FRYL: variants seen among roughly 807,000 people sequenced by gnomAD.
FRYL encodes protein furry homolog-like.
A neutral mutation model predicts 351.2 loss-of-function variants in FRYL; 150 were observed. The observed-to-expected ratio is 0.43, with a 90% CI of 0.37 to 0.49. The LOEUF (loss-of-function observed/expected upper bound fraction) is 0.49. Among genes scored for constraint, FRYL ranks in the 20% least tolerant of loss-of-function variants. The pLI is 0.00. For missense variants in FRYL, 3,036 were observed against 3,619.3 expected (o/e 0.84, Z 4.13); for synonymous variants, 1,153 against 1,257.1 (o/e 0.92, Z 1.75).
intron 24 of FRYL, among the ~76,000 whole-genome samples, 193 bp downstream of exon 24, chr4:48,575,837 T>C (rs756780394): frequency 2.0e-5 from 3 of 152,214 alleles, no homozygotes; most frequent in Non-Finnish European, 4.4e-5. Context: ...TGGAAAACTA[T>C]GTACGTATTA....
chr4:48,553,782 A>T (rs1170725051), intron 35 of FRYL, among the ~76,000 whole-genome samples: 1 of 152,120 alleles, frequency 6.6e-6, no homozygotes, highest in African/African-American at 2.4e-5. Context: ...CCCAGGGTTT[A>T]TCTTTTATTC....
chr4:48,571,742 T>C (rs1738378517), intron 26 of FRYL: 4 of 971,394 alleles, frequency 4.1e-6, no homozygotes, highest in South Asian at 9.5e-5. Flanking sequence ...AACAGGATGA[T>C]TTCTTATCAG....
At chr4:48,513,316 T>C (rs1722866849) in intron 56 of FRYL, among the ~76,000 whole-genome samples, 2 of 152,314 alleles carry the variant, frequency 1.3e-5, no homozygotes, top group African/African-American at 4.8e-5. Flanking sequence ...AGCTCAGCTA[T>C]TTCATAAGCA....
At chr4:48,721,176 A>G (rs1399977851) in intron 1 of FRYL, among the ~76,000 whole-genome samples, 1 of 152,148 alleles carries the variant, frequency 6.6e-6, no homozygotes, top group Non-Finnish European at 1.5e-5. Context: ...GCTTGGTTTT[A>G]TATACTTATT....
intron 13 of FRYL, among the ~76,000 whole-genome samples, chr4:48,598,592 G>A (rs1469427048): frequency 6.6e-6 from 1 of 152,060 alleles, no homozygotes; most frequent in East Asian, 1.9e-4. Context: ...GTGACTTTTG[G>A]TGAAGAATCA....
intron 26 of FRYL, chr4:48,571,619 T>C: frequency 3.1e-6 from 3 of 983,192 alleles, no homozygotes; most frequent in Non-Finnish European, 3.6e-6. Context: ...TTTCACTTTC[T>C]TGTCCATGAC....
At chr4:48,697,972 A>G (rs1042976990) in intron 2 of FRYL, among the ~76,000 whole-genome samples, 3 of 152,222 alleles carry the variant, frequency 2.0e-5, no homozygotes, top group African/African-American at 7.2e-5. Context: ...GCATTTCCAC[A>G]GGCACAGGGA....
chr4:48,575,788 A>C (rs1344072407), intron 24 of FRYL, among the ~76,000 whole-genome samples: 1 of 152,240 alleles, frequency 6.6e-6, no homozygotes, highest in Non-Finnish European at 1.5e-5. Flanking sequence ...AAAAATGTTG[A>C]GTATGATAAA....
intron 26 of FRYL, chr4:48,571,856 A>G: frequency 1.0e-6 from 1 of 985,424 alleles, no homozygotes; most frequent in Non-Finnish European, 1.2e-6. Flanking sequence ...TATAACTCAC[A>G]TTCAAGGCAC....
At chr4:48,521,787 T>C (rs942374952) in intron 54 of FRYL, among the ~76,000 whole-genome samples, 4 of 152,156 alleles carry the variant, frequency 2.6e-5, no homozygotes, top group Non-Finnish European at 4.4e-5. Context: ...CGGTTGGTCA[T>C]TGAACACTTA....
At position 48,510,911 on chromosome 4, in the gene FRYL, C is replaced by G. The variant is rs756715432; in HGVS notation, c.8219G>C (p.Gly2740Ala). 1.9e-6 allele frequency: 3 copies of G among 1,612,280 alleles called. No homozygotes were observed. Among genetic ancestry groups the G allele is most frequent in the Non-Finnish European group, 2.5e-6 (3 of 1,178,502 alleles). The change falls in exon 58 of 64, where the codon GGT (glycine) becomes GCT (alanine). Residue 2740 changes from glycine (G) to alanine (A), a missense_variant. Gly to Ala is a moderately conservative substitution (Grantham distance 60). Around this residue, in one of 7 missense-constraint regions of FRYL, gnomAD observed 1,987 missense variants for 2,311.7 expected, o/e 0.86. Coordinates refer to ENST00000358350, the MANE Select transcript of FRYL (RefSeq NM_015030.2). ...SFLGDSLQRIGTKFKSSLEVM... is the reference protein window; with the variant it reads ...SFLGDSLQRIATKFKSSLEVM... ...TTCCAAGGAACTTTTAAATTTGGTA[C>G]CAATGCGTTGCAGACTATCACCAAG...
At chr4:48,717,401 G>C (rs958814519) in intron 1 of FRYL, among the ~76,000 whole-genome samples, 3 of 151,632 alleles carry the variant, frequency 2.0e-5, no homozygotes, top group Non-Finnish European at 4.4e-5. Flanking sequence ...CCACGTAAGT[G>C]GTTGCCTAGG....
intron 1 of FRYL, among the ~76,000 whole-genome samples, chr4:48,722,357 T>C (rs1178839149): frequency 6.6e-6 from 1 of 152,206 alleles, no homozygotes; most frequent in Non-Finnish European, 1.5e-5. Flanking sequence ...CTACCATGCA[T>C]TGCTACATTT....
intron 1 of FRYL, among the ~76,000 whole-genome samples, chr4:48,734,789 TAAA>T (rs1771121942): frequency 6.6e-6 from 1 of 152,198 alleles, no homozygotes; most frequent in African/African-American, 2.4e-5. Flanking sequence ...CACCATTTAT[TAAA>T]TAGGGAATCC....
At chr4:48,552,999 C>T (rs1201849494) in intron 36 of FRYL, among the ~76,000 whole-genome samples, 1 of 151,952 alleles carries the variant, frequency 6.6e-6, no homozygotes, top group East Asian at 1.9e-4. Context: ...TATATATATA[C>T]ATTTAAAGAC....
chr4:48,605,647 C>T, intron 11 of FRYL, 94 bp downstream of exon 11: 1 of 832,334 alleles, frequency 1.2e-6, no homozygotes. Context: ...AGCTTATTGT[C>T]ATGTAAGTAT....
chr4:48,710,698 G>A lies in FRYL; in HGVS notation c.-383C>T. 1 of 397,720 alleles carries A rather than the reference G, an allele frequency of 2.5e-6. No individual in the cohort carries two copies. Among genetic ancestry groups the A allele is most frequent in the Non-Finnish European group, 4.4e-6 (1 of 225,714 alleles). 24.6% of individuals were successfully genotyped at this position (397,720 alleles called of 1,614,324 possible). On this transcript the variant is annotated splice_region_variant and 5_prime_UTR_variant, in exon 2 of 64. Coordinates refer to ENST00000358350, the MANE Select transcript of FRYL (RefSeq NM_015030.2). ...TGAAGCAGAATATGGAATGTTCTAG[G>A]CTGGAAGATTAAAAAATAGGAAATA...
chr4:48,535,007 T>C (rs1005638546), intron 48 of FRYL, among the ~76,000 whole-genome samples: 4 of 152,186 alleles, frequency 2.6e-5, no homozygotes, highest in Non-Finnish European at 5.9e-5. Context: ...ACTTTCTCTT[T>C]GTGCCTATCT....
At position 48,647,933 on chromosome 4, in the gene FRYL, T is replaced by A. The variant is rs74439111; in HGVS notation, c.-80-13443A>T. ...GATACATTTCTGAAACTGATGTCAATGAGAATGTAACTGACCCTACAAAAT... is the reference window on the plus strand; with the variant it reads ...GATACATTTCTGAAACTGATGTCAAAGAGAATGTAACTGACCCTACAAAAT... On this transcript the variant is annotated intron_variant, in intron 3 of 63. Transcript: ENST00000358350. Among the ~76,000 whole-genome samples the A allele has an allele frequency of 1.4e-3, 220 of 152,278 alleles. 9 individuals carry two copies. In the East Asian group the frequency reaches 0.037, roughly 26 times the overall value.
Sources: allele counts gnomAD v4.1 joint callset (sites outside exome capture counted in the v4.1 genomes callset), GRCh38; gene constraint gnomAD v4.1.1; regional missense constraint gnomAD v4.1.1; transcripts MANE v1.5; gene names NCBI Gene and HGNC (gene_info 2026-07-23, HGNC 2026-07-21).